PPM1E: variants seen among roughly 807,000 people sequenced by gnomAD.
The protein encoded by PPM1E is protein phosphatase 1E.
Under a neutral mutation model 65.9 loss-of-function variants are expected in PPM1E, and 20 were observed. The ratio of observed to expected loss-of-function variants is 0.30; its 90% CI spans 0.21 to 0.44. The LOEUF is 0.44. PPM1E is among the 20% of genes least tolerant of loss of function. PPM1E has a pLI of 1.00. For synonymous variants in PPM1E, 352 were observed against 374.9 expected, an observed-to-expected ratio of 0.94 and a Z score of 0.70; for missense variants, 713 against 953.1, an observed-to-expected ratio of 0.75 and a Z score of 3.32.
intron 1 of PPM1E, among the ~76,000 whole-genome samples, chr17:58,761,066 G>A (rs923300314): frequency 6.6e-6 from 1 of 152,174 alleles, no homozygotes; most frequent in African/African-American, 2.4e-5. Context: ...TAGTGTGTCT[G>A]GAGTTTGTGT....
chr17:58,795,823 C>G (rs540070610), intron 1 of PPM1E, among the ~76,000 whole-genome samples: 35 of 152,094 alleles, frequency 2.3e-4, no homozygotes, highest in Non-Finnish European at 4.9e-4. Flanking sequence ...TTGCTGGGTA[C>G]ATGTATGTCT....
chr17:58,883,662 T>G (rs1319112010), intron 1 of PPM1E, among the ~76,000 whole-genome samples: 2 of 151,532 alleles, frequency 1.3e-5, no homozygotes, highest in Non-Finnish European at 2.9e-5. Context: ...TTTTTTGTGT[T>G]TTTTAGTAGA....
intron 1 of PPM1E, among the ~76,000 whole-genome samples, chr17:58,832,687 T>C (rs2050616993): frequency 6.6e-6 from 1 of 152,208 alleles, no homozygotes; most frequent in South Asian, 2.1e-4. Flanking sequence ...GATGTACTCT[T>C]CACCCAGCTT....
At chr17:58,829,906 C>T (rs1022242031) in intron 1 of PPM1E, among the ~76,000 whole-genome samples, 3 of 152,096 alleles carry the variant, frequency 2.0e-5, no homozygotes, top group Non-Finnish European at 2.9e-5. Context: ...AAAGGCCAAG[C>T]GTGGTGGGTC....
At position 58,980,983 on chromosome 17, in the gene PPM1E, T is replaced by C. The variant is rs758155734; in HGVS notation, c.2220T>C (p.Thr740=). 1.9e-6 allele frequency: 3 copies of C among 1,613,650 alleles called. No individual in the cohort carries two copies. In the South Asian group the frequency reaches 3.3e-5, roughly 18 times the overall value. ...AAAACATGAGGAAGCTCAGAAAGAC[T>C]CATGATATTCCATGCCCAGATCTTC... The part of the protein sequence containing the change: ...YSENMRKLRK[T]HDIPCPDLPW... Residue 740 remains threonine (T), a synonymous_variant, in exon 7 of 7, where the codon ACT becomes ACC. Coordinates refer to ENST00000308249, the MANE Select transcript of PPM1E (RefSeq NM_014906.5). This position sits in a 1 kb window ranked among gnomAD's most constrained non-coding sequence, Gnocchi z 4.7.
intron 1 of PPM1E, among the ~76,000 whole-genome samples, chr17:58,911,861 G>A (rs989749929): frequency 2.0e-5 from 3 of 152,134 alleles, no homozygotes; most frequent in Non-Finnish European, 2.9e-5. Context: ...AAGAGAGTGA[G>A]TGTTAGAAAC....
At chr17:58,766,695 T>C (rs754763435) in intron 1 of PPM1E, among the ~76,000 whole-genome samples, 6 of 152,154 alleles carry the variant, frequency 3.9e-5, no homozygotes, top group African/African-American at 7.2e-5. Context: ...ACATGTTCTT[T>C]ATGCAATCTA....
In PPM1E at chr17:58,969,587, G is replaced by A. The variant is rs1448064853; in HGVS notation, c.832G>A (p.Val278Ile). 1 of 1,614,054 alleles carries A rather than the reference G, an allele frequency of 6.2e-7. No individual in the cohort carries two copies. The highest frequency in any genetic ancestry group is 8.5e-7 in the Non-Finnish European group (1 of 1,180,038). The stretch of plus-strand genomic sequence containing the variant: ...TGCAGTGTTTGATGGCCATGGGGGA[G>A]TAGATGCTGCTATTTATGCCTCCAT... Reference protein sequence around the residue: ...YFAVFDGHGGVDAAIYASIHL... With the variant: ...YFAVFDGHGGIDAAIYASIHL... Residue 278 changes from valine (V) to isoleucine (I), a missense_variant, in exon 4 of 7, where the codon GTA becomes ATA. By Grantham distance (29) the Val-to-Ile change is conservative. This residue lies in a region of PPM1E where 25 missense variants were observed against 73.9 expected (regional missense o/e 0.34). Transcript: ENST00000308249.
intron 1 of PPM1E, among the ~76,000 whole-genome samples, chr17:58,793,075 TTAA>T (rs937527206): frequency 2.6e-5 from 4 of 151,986 alleles, no homozygotes; most frequent in African/African-American, 7.2e-5. Flanking sequence ...AAGTGGGTGT[TTAA>T]TAATTATGTT....
intron 1 of PPM1E, among the ~76,000 whole-genome samples, chr17:58,952,422 G>A (rs1440420772): frequency 6.6e-6 from 1 of 152,204 alleles, no homozygotes; most frequent in African/African-American, 2.4e-5. Context: ...CATATCCACT[G>A]GAAGAAGACC....
intron 1 of PPM1E, among the ~76,000 whole-genome samples, chr17:58,832,226 C>T (rs530537295): frequency 6.6e-6 from 1 of 152,210 alleles, no homozygotes; most frequent in East Asian, 1.9e-4. Context: ...TTTCAAATTT[C>T]TTCACTATCC....
At chr17:58,864,119 C>G (rs1383855753) in intron 1 of PPM1E, among the ~76,000 whole-genome samples, 1 of 150,878 alleles carries the variant, frequency 6.6e-6, no homozygotes, top group African/African-American at 2.4e-5. Flanking sequence ...AGTTCAAGAC[C>G]AGTCTGGGCA....
chr17:58,813,945 A>G (rs2050392980), intron 1 of PPM1E, among the ~76,000 whole-genome samples: 1 of 152,204 alleles, frequency 6.6e-6, no homozygotes, highest in South Asian at 2.1e-4. Flanking sequence ...GAACTTTGAC[A>G]GGCATTATTG....
Position 58,982,966 on chromosome 17 carries a change from T to C in PPM1E, c.*1935T>C. ...AAGGCAGCAGACTATTGGTACACAT[T>C]ATAGTCCAAAGTGCTTAGCGAAGTA... On this transcript the variant is annotated 3_prime_UTR_variant, in exon 7 of 7. Coordinates refer to ENST00000308249, the MANE Select transcript of PPM1E (RefSeq NM_014906.5). 6.5e-7 allele frequency: 1 copy of C among 1,541,676 alleles called. No individual in the cohort carries two copies. The highest frequency in any genetic ancestry group is 1.2e-5 in the South Asian group (1 of 83,934).
chr17:58,913,421 G>A (rs184023800), intron 1 of PPM1E, among the ~76,000 whole-genome samples: 5 of 152,244 alleles, frequency 3.3e-5, no homozygotes, highest in African/African-American at 4.8e-5. Context: ...AATTTTAGAT[G>A]TACAGGAAAG....
chr17:58,883,825 A>G (rs765440390), intron 1 of PPM1E, among the ~76,000 whole-genome samples: 1 of 152,160 alleles, frequency 6.6e-6, no homozygotes, highest in Non-Finnish European at 1.5e-5. Flanking sequence ...ATAAAAGCCA[A>G]TTGGGAAGCC....
chr17:58,852,552 CT>C (rs903047836), intron 1 of PPM1E, among the ~76,000 whole-genome samples: 25 of 144,606 alleles, frequency 1.7e-4, no homozygotes, highest in African/African-American at 5.1e-4. Flanking sequence ...TGATACTGAA[CT>C]TTTTTTTTTA....
chr17:58,899,202 G>T (rs896702661), intron 1 of PPM1E, among the ~76,000 whole-genome samples: 2 of 151,836 alleles, frequency 1.3e-5, no homozygotes, highest in South Asian at 2.1e-4. Flanking sequence ...AAAAATTAGC[G>T]AGGTGTCATG....
In PPM1E at chr17:58,766,196, GTTT is replaced by G. The variant is rs10604459; in HGVS notation, c.464+9756_464+9758del. On this transcript the variant is annotated intron_variant, in intron 1 of 6. Coordinates refer to ENST00000308249, the MANE Select transcript of PPM1E (RefSeq NM_014906.5). ...CACCTGGCTTATTTTTGTAATTTCT[GTTT>G]TTTTTTTTTTTTTTTTTTTTGAGAT... 7.7e-3 allele frequency among the ~76,000 whole-genome samples: 500 copies of G among 65,122 alleles called. 1 individual carries two copies. The highest frequency in any genetic ancestry group is 0.029 in the African/African-American group (453 of 15,370). The allele number at this position is 65,122 out of a possible 152,430, so 42.7% of individuals were successfully genotyped here. A position where few individuals can be genotyped will look rare whatever the true frequency, so the allele number is the denominator to read the frequency against.
Sources: allele counts gnomAD v4.1 joint callset (sites outside exome capture counted in the v4.1 genomes callset), GRCh38; gene constraint gnomAD v4.1.1; regional missense constraint gnomAD v4.1.1; non-coding constraint Gnocchi (gnomAD v3.1); transcripts MANE v1.5; gene names NCBI Gene and HGNC (gene_info 2026-07-23, HGNC 2026-07-21).